SPATA20: variants seen among roughly 807,000 people sequenced by gnomAD.
The protein encoded by SPATA20 is spermatogenesis associated 20.
SPATA20 carries 74 observed loss-of-function variants against 98.9 expected under a neutral mutation model. The ratio of observed to expected loss-of-function variants is 0.75; its 90% CI spans 0.62 to 0.91. SPATA20 has a LOEUF of 0.91. Among genes scored for constraint, SPATA20 ranks in the 40% least tolerant of loss-of-function variants. The pLI, the probability that SPATA20 is intolerant of heterozygous loss-of-function variation, is 0.00. For missense variants in SPATA20, 1,016 were observed against 1,069.8 expected, an observed-to-expected ratio of 0.95 and a Z score of 0.70; for synonymous variants, 430 against 440.5, an observed-to-expected ratio of 0.98 and a Z score of 0.30.
At position 50,555,504 on chromosome 17, in the gene SPATA20, G is replaced by A. The variant is rs748834733; in HGVS notation, c.2251G>A (p.Ala751Thr). 4 of 1,613,942 alleles carry A rather than the reference G, an allele frequency of 2.5e-6. No homozygotes were observed. The highest frequency in any genetic ancestry group is 3.4e-6 in the Non-Finnish European group (4 of 1,179,976). Residue 751 changes from alanine (A) to threonine (T), a missense_variant, in exon 17 of 17, where the codon GCT becomes ACT. Coordinates refer to ENST00000006658, the MANE Select transcript of SPATA20 (RefSeq NM_022827.4). ...VYIPNKVLILADGDPSSFLSR... is the reference protein window; with the variant it reads ...VYIPNKVLILTDGDPSSFLSR... ...GCTGCTGCCCTAGGTGCTGATTCTG[G>A]CTGATGGGGACCCCTCGAGCTTCCT...
At position 50,548,800 on chromosome 17, in the gene SPATA20, C is replaced by T. The variant is rs564580483; in HGVS notation, c.362-10C>T. 1.9e-6 allele frequency: 3 copies of T among 1,609,366 alleles called. No homozygotes were observed. The highest frequency in any genetic ancestry group is 1.3e-5 in the African/African-American group (1 of 74,994). The stretch of plus-strand genomic sequence containing the variant: ...CTGGCCCCCTGACCTCTCCCCATGG[C>T]CCTGTTCAGTCGGGTACTCCACCTG... On this transcript the variant is annotated splice_polypyrimidine_tract_variant and intron_variant, in intron 4 of 16. Coordinates refer to ENST00000006658, the MANE Select transcript of SPATA20 (RefSeq NM_022827.4).
chr17:50,549,173 GA>G lies in SPATA20; in HGVS notation c.649del (p.Ile217TyrfsTer13), dbSNP rs779196346. 5 of 1,598,094 alleles carry G rather than the reference GA, an allele frequency of 3.1e-6. No individual in the cohort carries two copies. Among genetic ancestry groups the G allele is most frequent in the Non-Finnish European group, 4.3e-6 (5 of 1,169,662 alleles). On this transcript the variant is annotated frameshift_variant, in exon 6 of 17. Transcript: ENST00000006658. LOFTEE classifies it high-confidence loss of function. The part of the protein sequence containing the change: ...TRVGFRTVLL[R>X]IREQWKQNKN... ...GTCGGCTTCCGCACAGTGTTGCTGA[GA>G]ATACGAGAACAGGTGGGTGTGCCTC... is the stretch of plus-strand genomic sequence containing the variant.
In SPATA20 at chr17:50,548,788, C is replaced by T. The variant is rs113932147; in HGVS notation, c.362-22C>T. The T allele has an allele frequency of 1.7e-3, 2,786 of 1,604,316 alleles. 39 individuals carry two copies. The African/African-American group carries it at 0.033, about 19-fold the overall frequency. ...TCTGACCCGTTGCTGGCCCCCTGAC[C>T]TCTCCCCATGGCCCTGTTCAGTCGG... On this transcript the variant is annotated intron_variant, in intron 4 of 16. Coordinates refer to ENST00000006658, the MANE Select transcript of SPATA20 (RefSeq NM_022827.4).
At chr17:50,550,175 C>T (rs751255651) in intron 8 of SPATA20, 33 bp from the exon 9 acceptor site, 2 of 1,612,434 alleles carry the variant, frequency 1.2e-6, no homozygotes, top group Non-Finnish European at 1.7e-6. Flanking sequence ...GGGGCAGAAG[C>T]TGGGACTGGC....
intron 9 of SPATA20, 47 bp from the exon 10 acceptor site, chr17:50,550,489 T>G (rs752423234): frequency 1.3e-6 from 2 of 1,565,748 alleles, no homozygotes; most frequent in Non-Finnish European, 1.7e-6. Context: ...CACCTGGGCC[T>G]CCCCAGTGAC....
intron 15 of SPATA20, 57 bp downstream of exon 15, chr17:50,554,507 G>A (rs991278115): frequency 2.6e-6 from 4 of 1,548,568 alleles, no homozygotes; most frequent in African/African-American, 1.4e-5. Flanking sequence ...TTGGGGCTGC[G>A]ATGGCAGATG....
In SPATA20 at chr17:50,550,045, G is replaced by C. The variant is rs371657248; in HGVS notation, c.923G>C (p.Arg308Pro). ...CATCGACTGACTCAGGATGGCTCTC[G>C]GGCCCAGCAGATGGCCTTGCATACC... ...LSHRLTQDGS[R>P]AQQMALHTLK... The change falls in exon 8 of 17, where the codon CGG becomes CCG. Residue 308 changes from arginine to proline, a missense_variant. By Grantham distance (103) the Arg-to-Pro change is moderately radical. Coordinates refer to ENST00000006658, the MANE Select transcript of SPATA20 (RefSeq NM_022827.4). 6.9e-6 allele frequency: 11 copies of C among 1,601,954 alleles called. No individual in the cohort carries two copies. Among genetic ancestry groups the C allele is most frequent in the Non-Finnish European group, 9.4e-6 (11 of 1,171,370 alleles).
chr17:50,555,457 G>A (rs761955416), intron 16 of SPATA20, 35 bp from the exon 17 acceptor site: 24 of 1,610,860 alleles, frequency 1.5e-5, no homozygotes, highest in South Asian at 2.2e-5. Flanking sequence ...ACCCCACCCC[G>A]GCAGGTGACT....
chr17:50,550,678 C>A, intron 10 of SPATA20, 30 bp from the exon 11 acceptor site: 1 of 1,612,524 alleles, frequency 6.2e-7, no homozygotes. Context: ...CCCTGTGGGC[C>A]GGGGCCAGCC....
At chr17:50,552,605 A>G (rs1037871132) in intron 14 of SPATA20, among the ~76,000 whole-genome samples, 4 of 123,150 alleles carry the variant, frequency 3.2e-5, no homozygotes, top group African/African-American at 1.3e-4. Context: ...ACTGTCACCC[A>G]GGCTGGAATG....
At chr17:50,550,949 T>C in intron 11 of SPATA20, 32 bp downstream of exon 11, 1 of 1,611,604 alleles carries the variant, frequency 6.2e-7, no homozygotes, top group Non-Finnish European at 8.5e-7. Flanking sequence ...TGACGGGCCC[T>C]GGTGCCTGCC....
chr17:50,555,528 C>T lies in SPATA20; in HGVS notation c.2275C>T (p.Leu759=). 6.2e-7 allele frequency: 1 copy of T among 1,614,056 alleles called. No homozygotes were observed. Among genetic ancestry groups the T allele is most frequent in the South Asian group, 1.1e-5 (1 of 91,076 alleles). ...ILADGDPSSF[L]SRQLPFLSTL... ...GGCTGATGGGGACCCCTCGAGCTTC[C>T]TGTCCCGCCAGCTGCCTTTCCTGAG... The change falls in exon 17 of 17, where the codon CTG becomes TTG. Residue 759 remains leucine (L), a synonymous_variant. Coordinates refer to ENST00000006658, the MANE Select transcript of SPATA20 (RefSeq NM_022827.4).
At chr17:50,553,945 G>C (rs1159675844) in intron 14 of SPATA20, among the ~76,000 whole-genome samples, 1 of 152,170 alleles carries the variant, frequency 6.6e-6, no homozygotes, top group African/African-American at 2.4e-5. Context: ...GGAGAGGAAG[G>C]GGACAGGATG....
At position 50,550,215 on chromosome 17, in the gene SPATA20, A is replaced by C. The variant is rs749559375; in HGVS notation, c.1001A>C (p.His334Pro). Residue 334 changes from histidine (H) to proline (P), a missense_variant, in exon 9 of 17, where the codon CAC becomes CCC. By Grantham distance (77) the His-to-Pro change is moderately conservative. Coordinates refer to ENST00000006658, the MANE Select transcript of SPATA20 (RefSeq NM_022827.4). Reference sequence around the variant, plus strand: ...AGCTTTGTATCCGCACAGGGCTTTCACCGCTACTCCACAGACCGCCAGTGG... The same window carrying C: ...AGCTTTGTATCCGCACAGGGCTTTCCCCGCTACTCCACAGACCGCCAGTGG... ...GIRDHVGQGF[H>P]RYSTDRQWHV... 1.9e-6 allele frequency: 3 copies of C among 1,612,576 alleles called. No homozygotes were observed. The highest frequency in any genetic ancestry group is 1.1e-5 in the South Asian group (1 of 91,054).
chr17:50,548,604 C>G lies in SPATA20; in HGVS notation c.347C>G (p.Pro116Arg), dbSNP rs758826497. ...AFDKARKENK[P>R]IFLSVGYSTC... ...GACAAGGCCAGGAAGGAAAACAAGCCGATTTTCCTCTCAGGTAATGCTCCC... is the reference window on the plus strand; with the variant it reads ...GACAAGGCCAGGAAGGAAAACAAGCGGATTTTCCTCTCAGGTAATGCTCCC... Residue 116 changes from proline (P) to arginine (R), a missense_variant, in exon 4 of 17, where the codon CCG becomes CGG. By Grantham distance (103) the Pro-to-Arg change is moderately radical. Transcript: ENST00000006658. 5 of 1,613,304 alleles carry G rather than the reference C, an allele frequency of 3.1e-6. No individual in the cohort carries two copies. In the South Asian group the frequency reaches 5.5e-5, roughly 18 times the overall value.
intron 14 of SPATA20, among the ~76,000 whole-genome samples, chr17:50,552,565 C>CTTTTTTTTTTTT (rs36121212): frequency 2.3e-5 from 3 of 128,628 alleles, no homozygotes; most frequent in East Asian, 2.2e-4. Context: ...CTTTCTTTCT[C>CTTTTTTTTTTTT]TTTTTTTTTT....
chr17:50,547,703 G>A lies in SPATA20; in HGVS notation c.78-17G>A. 2.6e-6 allele frequency: 2 copies of A among 781,046 alleles called. No individual in the cohort carries two copies. Among genetic ancestry groups the A allele is most frequent in the South Asian group, 2.7e-5 (2 of 74,622 alleles). 48.4% of individuals were successfully genotyped at this position (781,046 alleles called of 1,614,324 possible). ...CCCACTTCCAGGCTGAACTCCCTGA[G>A]GTCTCTGATTCCCTAGGTGTCCTGG... On this transcript the variant is annotated splice_polypyrimidine_tract_variant and intron_variant, in intron 1 of 16. Coordinates refer to ENST00000006658, the MANE Select transcript of SPATA20 (RefSeq NM_022827.4).
In SPATA20 at chr17:50,548,995, C is replaced by T. The variant is rs369694182; in HGVS notation, c.516+31C>T. ...CAGCCCTCCTCGGGAGTGTATGCGC[C>T]ACATGGGCTCAGAGCAGCTCCCCTC... On this transcript the variant is annotated intron_variant, in intron 5 of 16. Transcript: ENST00000006658. The T allele has an allele frequency of 8.1e-6, 13 of 1,613,924 alleles. No homozygotes were observed. In the African/African-American group the frequency reaches 1.6e-4, roughly 20 times the overall value.
Position 50,552,464 on chromosome 17 carries a change from C to T in SPATA20, c.1957+284C>T, listed in dbSNP as rs1429804139. ...TACAGGCATGAACCACTACACTCAG[C>T]GTGTTTTGTTTCGTTCCTTTCTTTT... On this transcript the variant is annotated intron_variant, in intron 14 of 16. Coordinates refer to ENST00000006658, the MANE Select transcript of SPATA20 (RefSeq NM_022827.4). Among the ~76,000 whole-genome samples, 7 of 143,278 alleles carry T rather than the reference C, an allele frequency of 4.9e-5. No individual in the cohort carries two copies. In the East Asian group the frequency reaches 7.8e-4, roughly 16 times the overall value. 94.0% of individuals were successfully genotyped at this position (143,278 alleles called of 152,430 possible).
Sources: gnomAD v4.1 joint callset for allele counts (sites outside exome capture counted in the v4.1 genomes callset) on GRCh38, gnomAD v4.1.1 for gene constraint, MANE v1.5 for transcripts, NCBI Gene and HGNC (gene_info 2026-07-23, HGNC 2026-07-21) for gene names.